CNTNAP5: variants seen among roughly 807,000 people sequenced by gnomAD.
CNTNAP5 encodes the protein contactin associated protein family member 5.
CNTNAP5 carries 72 observed loss-of-function variants against 150.2 expected under a neutral mutation model. That is an observed-to-expected ratio of 0.48 (90% CI 0.40 to 0.58). The LOEUF (loss-of-function observed/expected upper bound fraction) is 0.58. Ranked by LOEUF, CNTNAP5 falls within the 20% of genes least tolerant of loss-of-function variation. The probability of loss-of-function intolerance (pLI) is 0.00; values close to 1 mark genes in which losing one functional copy is unlikely to be tolerated. For synonymous variants in CNTNAP5, 672 were observed against 619.8 expected (o/e 1.08, Z -1.25); for missense variants, 1,636 against 1,626.2 (o/e 1.01, Z -0.10).
intron 3 of CNTNAP5, among the ~76,000 whole-genome samples, chr2:124,321,940 AGGAGTTCGAGACCAGCCTGACCAACAT>A (rs1689109907): frequency 6.6e-6 from 1 of 152,118 alleles, no homozygotes; most frequent in African/African-American, 2.4e-5. Flanking sequence ...ACCTGAGGTC[AGGAGTTCGAGACCAGCCTGACCAACAT>A]GGTGAAACCC....
intron 3 of CNTNAP5, among the ~76,000 whole-genome samples, chr2:124,316,804 C>CAAAAAAAAAAAAAAAAAAAAAAAG (rs1688973002): frequency 3.7e-5 from 2 of 54,770 alleles, no homozygotes; most frequent in African/African-American, 6.8e-5. Context: ...GACTCCATCT[C>CAAAAAAAAAAAAAAAAAAAAAAAG]AAAAAAAAAA....
chr2:124,629,944 A>AAAAAAAAAC (rs1677813123), intron 12 of CNTNAP5, among the ~76,000 whole-genome samples: 1 of 149,790 alleles, frequency 6.7e-6, no homozygotes, highest in South Asian at 2.1e-4. Flanking sequence ...TGCAAAAAAA[A>AAAAAAAAAC]AAAAAAAAAA....
At chr2:124,737,808 T>C (rs1680418170) in intron 13 of CNTNAP5, among the ~76,000 whole-genome samples, 1 of 152,178 alleles carries the variant, frequency 6.6e-6, no homozygotes, top group South Asian at 2.1e-4. Flanking sequence ...CTAGCTGAGT[T>C]ACTAGCAGGT....
Position 124,919,087 on chromosome 2 carries a change from T to A in CNTNAP5, c.*4799T>A, listed in dbSNP as rs1166437081. Among the ~76,000 whole-genome samples, 1 of 152,040 alleles carries A rather than the reference T, an allele frequency of 6.6e-6. No homozygotes were observed. The highest frequency in any genetic ancestry group is 1.5e-5 in the Non-Finnish European group (1 of 67,972). On this transcript the variant is annotated 3_prime_UTR_variant, in exon 24 of 24. Transcript: ENST00000682447. ...TAATTATCAGCTCTGCCTTCACAAA[T>A]TCCAAATTTGAACCACCTAAAGGGG...
intron 3 of CNTNAP5, among the ~76,000 whole-genome samples, chr2:124,356,115 G>C (rs59503656): frequency 0.31 from 46,691 of 151,916 alleles, 7,264 homozygotes; most frequent in Middle Eastern, 0.37. Context: ...AATAAAGATT[G>C]TCCCATGATT....
intron 6 of CNTNAP5, among the ~76,000 whole-genome samples, chr2:124,469,102 C>G (rs937453550): frequency 1.3e-5 from 2 of 152,206 alleles, no homozygotes; most frequent in Non-Finnish European, 2.9e-5. Flanking sequence ...AACCAGAGAG[C>G]AGGCCTCAAG....
rs11285774 is a variant in CNTNAP5, at chr2:124,560,518, C to CAA, written c.1650-2682_1650-2681dup. On this transcript the variant is annotated intron_variant, in intron 10 of 23. Coordinates refer to ENST00000682447, the MANE Select transcript of CNTNAP5 (RefSeq NM_001367498.1). Reference sequence around the variant, plus strand: ...TGGGTGACAGAGCAAGACTCCATTTCAAAAAAAAAAAAAAAAAACTAAAGT... The same window carrying CAA: ...TGGGTGACAGAGCAAGACTCCATTTCAAAAAAAAAAAAAAAAAAAACTAAAGT... Among the ~76,000 whole-genome samples, 706 of 126,844 alleles carry CAA rather than the reference C, an allele frequency of 5.6e-3. 3 individuals carry two copies. Among genetic ancestry groups the CAA allele is most frequent in the South Asian group, 0.019 (71 of 3,792 alleles). 83.2% of individuals were successfully genotyped at this position (126,844 alleles called of 152,430 possible).
chr2:124,068,607 A>G (rs1682222676), intron 1 of CNTNAP5, among the ~76,000 whole-genome samples: 1 of 152,006 alleles, frequency 6.6e-6, no homozygotes, highest in African/African-American at 2.4e-5. Flanking sequence ...TGCATGACCT[A>G]GTGAAACACC....
chr2:124,361,310 A>C lies in CNTNAP5; in HGVS notation c.382-56133A>C, dbSNP rs1468810601. Among the ~76,000 whole-genome samples the C allele has an allele frequency of 2.1e-5, 3 of 144,668 alleles. 1 individual carries two copies. The highest frequency in any genetic ancestry group is 4.6e-5 in the Non-Finnish European group (3 of 65,740). The allele number at this position is 144,668 out of a possible 152,430, so 94.9% of individuals were successfully genotyped here. On this transcript the variant is annotated intron_variant, in intron 3 of 23. Coordinates refer to ENST00000682447, the MANE Select transcript of CNTNAP5 (RefSeq NM_001367498.1). The stretch of plus-strand genomic sequence containing the variant: ...ATCTGAAGCCTCCTTCTCTCAGCTC[A>C]TCAAAGTCATTCTCCATCCAGCTTT...
At chr2:124,126,553 A>G (rs1683706820) in intron 1 of CNTNAP5, among the ~76,000 whole-genome samples, 1 of 152,184 alleles carries the variant, frequency 6.6e-6, no homozygotes, top group African/African-American at 2.4e-5. Context: ...TTCTTAACTC[A>G]TTTTATGAGG....
chr2:124,105,340 C>T (rs1365564212), intron 1 of CNTNAP5, among the ~76,000 whole-genome samples: 4 of 152,100 alleles, frequency 2.6e-5, no homozygotes, highest in Admixed American at 1.3e-4. Flanking sequence ...TGTTTGAATA[C>T]ATGTATAAGA....
At chr2:124,394,751 T>C (rs760304172) in intron 3 of CNTNAP5, among the ~76,000 whole-genome samples, 14 of 152,300 alleles carry the variant, frequency 9.2e-5, no homozygotes, top group East Asian at 5.8e-4. Flanking sequence ...CCAAGTCTCA[T>C]TGTGGTGGAG....
At chr2:124,895,617 C>G (rs575566088) in intron 21 of CNTNAP5, among the ~76,000 whole-genome samples, 20 of 151,280 alleles carry the variant, frequency 1.3e-4, no homozygotes, top group African/African-American at 4.7e-4. Context: ...AGAGCAAGAC[C>G]CTGTCTCAAA....
intron 10 of CNTNAP5, among the ~76,000 whole-genome samples, chr2:124,546,468 A>G (rs750616246): frequency 8.5e-5 from 13 of 152,098 alleles, no homozygotes; most frequent in Admixed American, 2.0e-4. Flanking sequence ...GTATATGACT[A>G]TGAAGCCCTT....
intron 1 of CNTNAP5, among the ~76,000 whole-genome samples, chr2:124,139,047 C>A (rs1230313716): frequency 6.6e-6 from 1 of 152,044 alleles, no homozygotes; most frequent in Non-Finnish European, 1.5e-5. Flanking sequence ...CACATCCCTG[C>A]AGCTGTTCAA....
chr2:124,403,712 CA>C (rs1462164195), intron 3 of CNTNAP5, among the ~76,000 whole-genome samples: 1 of 152,088 alleles, frequency 6.6e-6, no homozygotes, highest in Non-Finnish European at 1.5e-5. Context: ...GATGACAGGG[CA>C]AATCGTATTA....
At chr2:124,158,273 G>A (rs1041247474) in intron 1 of CNTNAP5, among the ~76,000 whole-genome samples, 5 of 152,122 alleles carry the variant, frequency 3.3e-5, no homozygotes, top group African/African-American at 1.2e-4. Flanking sequence ...ACAATGCCTA[G>A]TACAACCATC....
intron 8 of CNTNAP5, among the ~76,000 whole-genome samples, chr2:124,514,710 A>G (rs1213315085): frequency 1.3e-5 from 2 of 152,212 alleles, no homozygotes; most frequent in Non-Finnish European, 2.9e-5. Context: ...AGGTGGGGAT[A>G]TCACAGCTTG....
chr2:124,156,787 C>A (rs1023432058), intron 1 of CNTNAP5, among the ~76,000 whole-genome samples: 4 of 152,176 alleles, frequency 2.6e-5, no homozygotes, highest in Admixed American at 6.5e-5. Context: ...CCGTGCCCAG[C>A]CCATTTTGCC....
Sources: allele counts gnomAD v4.1 joint callset (sites outside exome capture counted in the v4.1 genomes callset), GRCh38; gene constraint gnomAD v4.1.1; transcripts MANE v1.5; gene names NCBI Gene and HGNC (gene_info 2026-07-23, HGNC 2026-07-21).